Variants in ICA1 observed in about 807,000 individuals in gnomAD.
ICA1 encodes the protein islet cell autoantigen 1.
A neutral mutation model predicts 71.0 loss-of-function variants in ICA1; 40 were observed. The ratio of observed to expected loss-of-function variants is 0.56; its 90% CI spans 0.44 to 0.73. The LOEUF is 0.73. Among genes scored for constraint, ICA1 ranks in the 30% least tolerant of loss-of-function variants. ICA1 has a pLI of 0.00. For synonymous variants in ICA1, 207 were observed against 209.5 expected (o/e 0.99, Z 0.10); for missense variants, 578 against 576.5 (o/e 1.00, Z -0.03).
At chr7:8,164,123 G>C (rs1804942359) in intron 6 of ICA1, among the ~76,000 whole-genome samples, 1 of 151,724 alleles carries the variant, frequency 6.6e-6, no homozygotes, top group African/African-American at 2.4e-5. Context: ...TGGCCAACAT[G>C]GTGAAACCCC....
At chr7:8,259,860 A>C (rs1324197724) in intron 1 of ICA1, among the ~76,000 whole-genome samples, 1 of 152,180 alleles carries the variant, frequency 6.6e-6, no homozygotes, top group Non-Finnish European at 1.5e-5. Context: ...TTTTGAGTTT[A>C]AAGTTCTGCT....
chr7:8,259,342 C>A (rs1332994253), intron 1 of ICA1, among the ~76,000 whole-genome samples: 1 of 152,168 alleles, frequency 6.6e-6, no homozygotes, highest in Non-Finnish European at 1.5e-5. Flanking sequence ...CTTGGAAGAT[C>A]TATCCCCACT....
intron 1 of ICA1, among the ~76,000 whole-genome samples, chr7:8,248,731 G>A (rs542716272): frequency 2.6e-5 from 4 of 152,186 alleles, no homozygotes; most frequent in East Asian, 1.9e-4. Context: ...TCAACCTCTC[G>A]AAAGAAAAGA....
At chr7:8,152,349 C>T (rs186294246) in intron 8 of ICA1, among the ~76,000 whole-genome samples, 131 of 152,098 alleles carry the variant, frequency 8.6e-4, no homozygotes, top group Admixed American at 1.3e-3. Flanking sequence ...ATTGATGCTT[C>T]GCATGGTTGT....
chr7:8,137,766 T>A (rs1041847579), intron 12 of ICA1, among the ~76,000 whole-genome samples: 1 of 152,220 alleles, frequency 6.6e-6, no homozygotes, highest in Non-Finnish European at 1.5e-5. Context: ...CAAGTTTATA[T>A]CCCTAAACCC....
chr7:8,159,654 T>C (rs887084601), intron 6 of ICA1, among the ~76,000 whole-genome samples: 4 of 151,990 alleles, frequency 2.6e-5, no homozygotes, highest in Non-Finnish European at 5.9e-5. Context: ...GAGCCAAGAT[T>C]GTGCCACTGC....
intron 6 of ICA1, among the ~76,000 whole-genome samples, chr7:8,186,319 G>A (rs1443510058): frequency 6.6e-6 from 1 of 152,192 alleles, no homozygotes; most frequent in Non-Finnish European, 1.5e-5. Flanking sequence ...CATAAATGTG[G>A]ACCATGCCAG....
At chr7:8,219,647 G>T (rs778930486) in intron 5 of ICA1, among the ~76,000 whole-genome samples, 6 of 152,184 alleles carry the variant, frequency 3.9e-5, no homozygotes, top group Non-Finnish European at 5.9e-5. Flanking sequence ...ACATTGTTGT[G>T]CCATAAAGTA....
At chr7:8,115,234 A>C (rs1253989193) in intron 13 of ICA1, among the ~76,000 whole-genome samples, 1 of 152,198 alleles carries the variant, frequency 6.6e-6, no homozygotes, top group African/African-American at 2.4e-5. Context: ...CTAGTGGGTA[A>C]TATGCAAGTT....
chr7:8,244,470 G>C (rs1583737640), intron 1 of ICA1, among the ~76,000 whole-genome samples: 1 of 152,280 alleles, frequency 6.6e-6, no homozygotes, highest in Non-Finnish European at 1.5e-5. Flanking sequence ...GGAAAACCTA[G>C]GCAATACCAT....
At chr7:8,189,672 G>A (rs149983834) in intron 6 of ICA1, among the ~76,000 whole-genome samples, 1 of 152,040 alleles carries the variant, frequency 6.6e-6, no homozygotes. Context: ...AGGCCTCACT[G>A]AACCCCCAGC....
At chr7:8,171,832 C>T (rs7797516) in intron 6 of ICA1, among the ~76,000 whole-genome samples, 61,688 of 151,760 alleles carry the variant, frequency 0.41, 14,800 homozygotes, top group South Asian at 0.53. Flanking sequence ...CAAAATATAT[C>T]CTGATTTCCC....
chr7:8,115,685 C>A (rs1784565346), intron 13 of ICA1, among the ~76,000 whole-genome samples: 1 of 152,220 alleles, frequency 6.6e-6, no homozygotes, highest in Non-Finnish European at 1.5e-5. Context: ...GGAGTACACA[C>A]TTCCTTCAAC....
At chr7:8,155,408 C>A (rs1187441766) in intron 8 of ICA1, among the ~76,000 whole-genome samples, 1 of 152,164 alleles carries the variant, frequency 6.6e-6, no homozygotes, top group Admixed American at 6.5e-5. Flanking sequence ...AACGTCGTAG[C>A]AAAAATTAAG....
At chr7:8,261,370 G>T (rs1396572938) in intron 1 of ICA1, among the ~76,000 whole-genome samples, 1 of 152,138 alleles carries the variant, frequency 6.6e-6, no homozygotes, top group African/African-American at 2.4e-5. Flanking sequence ...GGATATGTTC[G>T]TTTCTAGAGG....
At chr7:8,150,760 AC>A (rs1584574437) in intron 8 of ICA1, among the ~76,000 whole-genome samples, 2 of 152,234 alleles carry the variant, frequency 1.3e-5, no homozygotes, top group African/African-American at 4.8e-5. Flanking sequence ...CTATAAGCAA[AC>A]ACTTCAAAGT....
chr7:8,120,160 G>GAT (rs1455776595), intron 13 of ICA1, among the ~76,000 whole-genome samples: 3 of 152,148 alleles, frequency 2.0e-5, no homozygotes, highest in African/African-American at 7.2e-5. Flanking sequence ...CACACACAGG[G>GAT]TATCATTATT....
chr7:8,227,676 G>C, intron 4 of ICA1: 1 of 421,838 alleles, frequency 2.4e-6, no homozygotes, highest in Non-Finnish European at 4.7e-6. Flanking sequence ...GCTCATTATA[G>C]GTCACTGTGA....
intron 12 of ICA1, among the ~76,000 whole-genome samples, chr7:8,134,382 C>A (rs1309140663): frequency 6.6e-6 from 1 of 152,156 alleles, no homozygotes; most frequent in Non-Finnish European, 1.5e-5. Flanking sequence ...TGAACTCATA[C>A]TGAGTTTCAT....
Sources: gnomAD v4.1 joint callset for allele counts (sites outside exome capture counted in the v4.1 genomes callset) on GRCh38, gnomAD v4.1.1 for gene constraint, MANE v1.5 for transcripts, NCBI Gene and HGNC (gene_info 2026-07-23, HGNC 2026-07-21) for gene names.